Variants in TBCD observed in about 807,000 individuals in gnomAD.
TBCD encodes the protein tubulin folding cofactor D.
TBCD carries 105 observed loss-of-function variants against 169.3 expected under a neutral mutation model. The ratio of observed to expected loss-of-function variants is 0.62; its 90% CI spans 0.53 to 0.73. TBCD has a LOEUF of 0.73. Ranked by LOEUF, TBCD falls within the 30% of genes least tolerant of loss-of-function variation. The pLI is 0.00. For missense variants in TBCD, 1,444 were observed against 1,600.1 expected (o/e 0.90, Z 1.66); for synonymous variants, 700 against 643.9 (o/e 1.09, Z -1.32).
chr17:82,891,903 A>G (rs2146417406), intron 16 of TBCD, among the ~76,000 whole-genome samples: 1 of 152,210 alleles, frequency 6.6e-6, no homozygotes, highest in Middle Eastern at 3.4e-3. Flanking sequence ...TGACTAACCC[A>G]TGGGCAGCTT....
intron 17 of TBCD, 23 bp from the exon 18 acceptor site, chr17:82,900,628 C>T (rs779108155): frequency 2.5e-6 from 4 of 1,606,770 alleles, no homozygotes; most frequent in Non-Finnish European, 3.4e-6. Flanking sequence ...CGTCTCACCA[C>T]CTCTCCATGC....
chr17:82,763,467 C>T (rs1057390145), intron 2 of TBCD, among the ~76,000 whole-genome samples: 36 of 152,062 alleles, frequency 2.4e-4, no homozygotes, highest in African/African-American at 7.7e-4. Context: ...GGGCCAGGTG[C>T]GGTGGGCTCA....
chr17:82,941,826 T>G, intron 38 of TBCD: 1 of 325,788 alleles, frequency 3.1e-6, no homozygotes, highest in Non-Finnish European at 5.6e-6. Flanking sequence ...CCTCATCTGC[T>G]TCCCATGAGT....
At chr17:82,916,399 C>T (rs1030966667) in intron 23 of TBCD, among the ~76,000 whole-genome samples, 1 of 152,132 alleles carries the variant, frequency 6.6e-6, no homozygotes, top group Non-Finnish European at 1.5e-5. Context: ...CATGCGCCAC[C>T]GTGGCAGGCT....
chr17:82,817,838 C>CT (rs1323622398), intron 13 of TBCD, among the ~76,000 whole-genome samples: 2 of 152,192 alleles, frequency 1.3e-5, no homozygotes, highest in Non-Finnish European at 2.9e-5. Context: ...GGTGTCATAG[C>CT]TAAGAAATCA....
intron 23 of TBCD, among the ~76,000 whole-genome samples, chr17:82,917,909 C>T (rs759862147): frequency 6.6e-6 from 1 of 152,206 alleles, no homozygotes; most frequent in Non-Finnish European, 1.5e-5. Context: ...CCTCTCAGGT[C>T]TTCGTGAGCT....
At position 82,937,983 on chromosome 17, in the gene TBCD, C is replaced by G. The variant is rs75943817; in HGVS notation, c.3282-66C>G. ...AGGTCTCTGCATGGGCCTTTGGGTC[C>G]GGGGTTTGCTGGGGTTGGCCTGCGC... On this transcript the variant is annotated intron_variant, in intron 35 of 38. Transcript: ENST00000355528. The G allele has an allele frequency of 5.0e-6, 8 of 1,594,484 alleles. 1 individual carries two copies. Among genetic ancestry groups the G allele is most frequent in the Middle Eastern group, 1.7e-4 (1 of 6,028 alleles).
At chr17:82,781,456 C>G in intron 6 of TBCD, 133 bp from the exon 7 acceptor site, 1 of 1,179,098 alleles carries the variant, frequency 8.5e-7, no homozygotes, top group Non-Finnish European at 1.2e-6. Flanking sequence ...GGACTCAGTA[C>G]AGAGCTGGCA....
chr17:82,886,804 G>C (rs1324358624), intron 15 of TBCD, among the ~76,000 whole-genome samples: 2 of 149,572 alleles, frequency 1.3e-5, no homozygotes. Flanking sequence ...CGAGTAGCTG[G>C]GATTACAGGC....
At chr17:82,776,604 C>G (rs549338500) in intron 6 of TBCD, among the ~76,000 whole-genome samples, 8 of 152,168 alleles carry the variant, frequency 5.3e-5, no homozygotes, top group Admixed American at 6.6e-5. Flanking sequence ...ATGGCTCCGT[C>G]GTGTTCTGCT....
In TBCD at chr17:82,797,756, G is replaced by A; in HGVS notation, c.772-1G>A. ...TTAAAAATCTTTTTTTTTTTTTTTA[G>A]GCACAAATATTTAAACATGGAAAAC... On this transcript the variant is annotated splice_acceptor_variant, in intron 7 of 38. Coordinates refer to ENST00000355528, the MANE Select transcript of TBCD (RefSeq NM_005993.5). LOFTEE classifies it high-confidence loss of function. 6.9e-7 allele frequency: 1 copy of A among 1,457,380 alleles called. No homozygotes were observed. The highest frequency in any genetic ancestry group is 2.2e-5 in the Admixed American group (1 of 44,532). 90.3% of individuals were successfully genotyped at this position (1,457,380 alleles called of 1,614,324 possible).
chr17:82,875,077 T>C (rs991332430), intron 14 of TBCD, among the ~76,000 whole-genome samples: 3 of 152,218 alleles, frequency 2.0e-5, no homozygotes, highest in African/African-American at 4.8e-5. Context: ...CTTTTTCTAA[T>C]TGGTTCCTAG....
chr17:82,919,168 C>T (rs908999695), intron 23 of TBCD, among the ~76,000 whole-genome samples: 2 of 152,164 alleles, frequency 1.3e-5, no homozygotes. Flanking sequence ...TTCCTTTCTC[C>T]TCCCCTCCTC....
At chr17:82,756,833 A>G (rs2047428936) in intron 2 of TBCD, among the ~76,000 whole-genome samples, 1 of 152,192 alleles carries the variant, frequency 6.6e-6, no homozygotes, top group Non-Finnish European at 1.5e-5. Context: ...ATTTGGGCAC[A>G]TGATGTTTTT....
At chr17:82,798,626 G>A (rs1008617994) in intron 8 of TBCD, among the ~76,000 whole-genome samples, 1 of 152,144 alleles carries the variant, frequency 6.6e-6, no homozygotes, top group Non-Finnish European at 1.5e-5. Context: ...CAGGGGTCTC[G>A]TGAGGGAGGT....
At chr17:82,921,065 G>A in intron 24 of TBCD, 1 of 256,986 alleles carries the variant, frequency 3.9e-6, no homozygotes, top group South Asian at 5.9e-5. Flanking sequence ...GGGCTGTGGT[G>A]TCCCGGGGCT....
intron 20 of TBCD, among the ~76,000 whole-genome samples, chr17:82,907,432 C>G (rs896599660): frequency 3.3e-5 from 5 of 152,352 alleles, no homozygotes; most frequent in African/African-American, 1.2e-4. Flanking sequence ...CCTGTAATCC[C>G]AGCTATTTAG....
At chr17:82,762,315 CAA>C (rs35386796) in intron 2 of TBCD, among the ~76,000 whole-genome samples, 5 of 91,446 alleles carry the variant, frequency 5.5e-5, no homozygotes, top group Admixed American at 2.5e-4. Flanking sequence ...GACTCCGTCT[CAA>C]AAAAAAAAAA....
At chr17:82,901,936 G>A (rs1360754334) in intron 18 of TBCD, among the ~76,000 whole-genome samples, 1 of 152,168 alleles carries the variant, frequency 6.6e-6, no homozygotes, top group East Asian at 1.9e-4. Context: ...AGTCAATAAC[G>A]TCTTTAAAAC....
Sources: allele counts gnomAD v4.1 joint callset (sites outside exome capture counted in the v4.1 genomes callset), GRCh38; gene constraint gnomAD v4.1.1; transcripts MANE v1.5; gene names NCBI Gene and HGNC (gene_info 2026-07-23, HGNC 2026-07-21).